Variants in SLC35F3 observed in about 807,000 individuals in gnomAD.
SLC35F3 encodes the protein putative thiamine transporter SLC35F3.
A neutral mutation model predicts 49.9 loss-of-function variants in SLC35F3; 25 were observed. The ratio of observed to expected loss-of-function variants is 0.50; its 90% CI spans 0.37 to 0.70. The LOEUF (loss-of-function observed/expected upper bound fraction) is 0.70. Among genes scored for constraint, SLC35F3 ranks in the 30% least tolerant of loss-of-function variants. The pLI is 0.00. For missense variants in SLC35F3, 525 were observed against 639.8 expected (o/e 0.82, Z 1.94); for synonymous variants, 275 against 265.4 (o/e 1.04, Z -0.35).
intron 2 of SLC35F3, among the ~76,000 whole-genome samples, chr1:233,993,128 C>T (rs5011879): frequency 0.28 from 41,903 of 151,938 alleles, 6,019 homozygotes; most frequent in East Asian, 0.49. Flanking sequence ...CCACCGTGCC[C>T]GGCTAATTTT....
chr1:234,133,030 C>T (rs545032217), intron 2 of SLC35F3, among the ~76,000 whole-genome samples: 9 of 152,230 alleles, frequency 5.9e-5, no homozygotes, highest in East Asian at 3.9e-4. Flanking sequence ...TGGCACAGAG[C>T]GGTTGAGTAA....
intron 2 of SLC35F3, among the ~76,000 whole-genome samples, chr1:234,086,094 T>TA (rs1489472843): frequency 6.6e-6 from 1 of 152,218 alleles, no homozygotes; most frequent in Non-Finnish European, 1.5e-5. Context: ...CAGTGCCTGA[T>TA]AAAATTATTG....
chr1:234,255,395 A>G (rs754779530), intron 3 of SLC35F3, among the ~76,000 whole-genome samples: 1 of 152,230 alleles, frequency 6.6e-6, no homozygotes, highest in Non-Finnish European at 1.5e-5. Context: ...CTTCTTATTC[A>G]TTGCTGGGGA....
At chr1:234,150,304 G>T (rs1310082662) in intron 2 of SLC35F3, among the ~76,000 whole-genome samples, 1 of 151,194 alleles carries the variant, frequency 6.6e-6, no homozygotes, top group Non-Finnish European at 1.5e-5. Flanking sequence ...GACTAATTTG[G>T]TGACCCAAAT....
chr1:234,199,153 G>A (rs530906358), intron 2 of SLC35F3, among the ~76,000 whole-genome samples: 2 of 152,124 alleles, frequency 1.3e-5, no homozygotes, highest in East Asian at 1.9e-4. Context: ...GCTTAAGCTC[G>A]GGTGTTTAAG....
At position 234,154,100 on chromosome 1, in the gene SLC35F3, G is replaced by T. The variant is rs539189253; in HGVS notation, c.284-77317G>T. On this transcript the variant is annotated intron_variant, in intron 2 of 7. Coordinates refer to ENST00000366618, the MANE Select transcript of SLC35F3 (RefSeq NM_173508.4). Reference sequence around the variant, plus strand: ...AAAAACAAAAAACTAGCTGGGTGGGGTGGTATATGCCTGTAGTCCCAGCTA... The same window carrying T: ...AAAAACAAAAAACTAGCTGGGTGGGTTGGTATATGCCTGTAGTCCCAGCTA... 1.1e-4 allele frequency among the ~76,000 whole-genome samples: 17 copies of T among 152,174 alleles called. No individual in the cohort carries two copies. In the East Asian group the frequency reaches 3.1e-3, roughly 28 times the overall value.
intron 2 of SLC35F3, among the ~76,000 whole-genome samples, chr1:234,154,084 A>AAACTAGCTGGG: frequency 6.6e-6 from 1 of 151,972 alleles, no homozygotes; most frequent in East Asian, 1.9e-4. Flanking sequence ...AAAAAACAAA[A>AAACTAGCTGGG]AACTAGCTGG....
intron 2 of SLC35F3, among the ~76,000 whole-genome samples, chr1:234,222,826 T>G (rs1040705552): frequency 1.3e-5 from 2 of 152,200 alleles, no homozygotes; most frequent in Non-Finnish European, 2.9e-5. Context: ...AAGAGGAGTA[T>G]GCATATTTGT....
chr1:234,208,025 A>G (rs1248256346), intron 2 of SLC35F3, among the ~76,000 whole-genome samples: 1 of 152,144 alleles, frequency 6.6e-6, no homozygotes, highest in Non-Finnish European at 1.5e-5. Flanking sequence ...GAAAGAAAAA[A>G]AGAAAAGAAA....
At chr1:234,269,684 A>T (rs540746770) in intron 3 of SLC35F3, among the ~76,000 whole-genome samples, 2 of 152,204 alleles carry the variant, frequency 1.3e-5, no homozygotes, top group Non-Finnish European at 2.9e-5. Flanking sequence ...TGTTTGGCTC[A>T]TGGGGGCATG....
chr1:233,909,346 A>G (rs758777653), intron 2 of SLC35F3, among the ~76,000 whole-genome samples: 3 of 152,190 alleles, frequency 2.0e-5, no homozygotes, highest in Admixed American at 2.0e-4. Context: ...ATTCCTGGGA[A>G]TTCTTCAAAT....
intron 2 of SLC35F3, among the ~76,000 whole-genome samples, chr1:234,167,909 C>A (rs1364869115): frequency 6.6e-6 from 1 of 152,194 alleles, no homozygotes; most frequent in Non-Finnish European, 1.5e-5. Flanking sequence ...GGCGCACTTT[C>A]TGGAATAAGC....
chr1:233,925,791 T>TG (rs1662147915), intron 2 of SLC35F3, among the ~76,000 whole-genome samples: 1 of 152,246 alleles, frequency 6.6e-6, no homozygotes, highest in Non-Finnish European at 1.5e-5. Context: ...TTTCCATGTT[T>TG]AGTGCTTCCT....
chr1:234,290,922 T>C (rs1351411517), intron 3 of SLC35F3, among the ~76,000 whole-genome samples: 1 of 152,206 alleles, frequency 6.6e-6, no homozygotes, highest in African/African-American at 2.4e-5. Context: ...TCTGCTACTC[T>C]CTGTACTGGC....
intron 2 of SLC35F3, among the ~76,000 whole-genome samples, chr1:234,191,031 G>T (rs565975121): frequency 6.6e-6 from 1 of 152,282 alleles, no homozygotes; most frequent in South Asian, 2.1e-4. Context: ...TATATATTAG[G>T]TAACAAGAGC....
intron 2 of SLC35F3, among the ~76,000 whole-genome samples, chr1:234,192,668 A>G (rs1572088941): frequency 6.6e-6 from 1 of 152,318 alleles, no homozygotes; most frequent in East Asian, 1.9e-4. Context: ...CTGTTTGCTG[A>G]TGATATAATC....
Position 234,014,079 on chromosome 1 carries a change from G to GA in SLC35F3, c.283+108327dup, listed in dbSNP as rs199860320. Among the ~76,000 whole-genome samples, 363 of 152,226 alleles carry GA rather than the reference G, an allele frequency of 2.4e-3. 3 individuals are homozygous for GA. Among genetic ancestry groups the GA allele is most frequent in the African/African-American group, 8.2e-3 (341 of 41,560 alleles). On this transcript the variant is annotated intron_variant, in intron 2 of 7. Coordinates refer to ENST00000366618, the MANE Select transcript of SLC35F3 (RefSeq NM_173508.4). ...ACCAATATTCCTGATGAATACAGAT[G>GA]AAAAAATCCTCAATAAAATACCAGC...
chr1:233,952,928 G>C (rs112099038), intron 2 of SLC35F3, among the ~76,000 whole-genome samples: 3 of 152,116 alleles, frequency 2.0e-5, no homozygotes, highest in Admixed American at 2.0e-4. Flanking sequence ...AAAAAGATGA[G>C]GGAGAAAATA....
At chr1:234,100,020 GT>G (rs1665190540) in intron 2 of SLC35F3, among the ~76,000 whole-genome samples, 1 of 152,188 alleles carries the variant, frequency 6.6e-6, no homozygotes, top group South Asian at 2.1e-4. Flanking sequence ...AAACATGGCA[GT>G]AGCAGACATT....
Sources: gnomAD v4.1 joint callset for allele counts (sites outside exome capture counted in the v4.1 genomes callset) on GRCh38, gnomAD v4.1.1 for gene constraint, MANE v1.5 for transcripts, NCBI Gene and HGNC (gene_info 2026-07-23, HGNC 2026-07-21) for gene names.